Variants in LRRC7 observed in about 807,000 individuals in gnomAD.
LRRC7 encodes leucine rich repeat containing 7.
Under a neutral mutation model 175.7 loss-of-function variants are expected in LRRC7, and 23 were observed. That is an observed-to-expected ratio of 0.13 (90% confidence interval 0.09 to 0.19). The LOEUF (loss-of-function observed/expected upper bound fraction) is 0.19, where lower values mean the gene tolerates loss of function less well. LRRC7 is among the 10% of genes least tolerant of loss of function. The probability of loss-of-function intolerance (pLI) is 1.00; values close to 1 mark genes in which losing one functional copy is unlikely to be tolerated. For synonymous variants in LRRC7, 685 were observed against 680.9 expected, an observed-to-expected ratio of 1.01 and a Z score of -0.09; for missense variants, 1,354 against 1,904.7, an observed-to-expected ratio of 0.71 and a Z score of 5.38.
chr1:69,828,689 A>C (rs114063418), intron 5 of LRRC7, among the ~76,000 whole-genome samples: 1 of 152,018 alleles, frequency 6.6e-6, no homozygotes, highest in African/African-American at 2.4e-5. Context: ...TATGAGTTAC[A>C]CTTTTATCTT....
chr1:69,690,781 T>A (rs1661760780), intron 2 of LRRC7, among the ~76,000 whole-genome samples: 1 of 152,134 alleles, frequency 6.6e-6, no homozygotes, highest in Admixed American at 6.5e-5. Context: ...CTCAAATCCA[T>A]TTCCCCATCC....
intron 3 of LRRC7, among the ~76,000 whole-genome samples, chr1:69,781,733 AAGAGAGAGAGAGAG>A (rs755676231): frequency 4.2e-5 from 1 of 23,540 alleles, no homozygotes; most frequent in Non-Finnish European, 7.1e-5. Flanking sequence ...GAAAGAAAGA[AAGAGAGAGAGAGAG>A]AGAGAGAGAG....
At position 70,097,459 on chromosome 1, in the gene LRRC7, T is replaced by C. The variant is rs1039321767; in HGVS notation, c.4545+7640T>C. Among the ~76,000 whole-genome samples, 18 of 152,230 alleles carry C rather than the reference T, an allele frequency of 1.2e-4. 1 individual carries two copies. The highest frequency in any genetic ancestry group is 9.8e-4 in the Admixed American group (15 of 15,288). The stretch of plus-strand genomic sequence containing the variant: ...GAAAGTTTCACTGAATTTTTCTTTT[T>C]TTTACCATTTTTTTATTGTACTTTA... On this transcript the variant is annotated intron_variant, in intron 25 of 26. Coordinates refer to ENST00000651989, the MANE Select transcript of LRRC7 (RefSeq NM_001370785.2).
chr1:69,888,273 CTG>C (rs994900257), intron 7 of LRRC7, among the ~76,000 whole-genome samples: 1 of 152,212 alleles, frequency 6.6e-6, no homozygotes, highest in African/African-American at 2.4e-5. Flanking sequence ...CAGCGAGACT[CTG>C]TGGGCGTAGG....
intron 23 of LRRC7, among the ~76,000 whole-genome samples, chr1:70,060,886 C>G (rs561862540): frequency 6.6e-6 from 1 of 152,114 alleles, no homozygotes; most frequent in African/African-American, 2.4e-5. Context: ...TGTTTTTTGC[C>G]TTAGGCTTTG....
intron 1 of LRRC7, among the ~76,000 whole-genome samples, chr1:69,601,019 C>T (rs2104407): frequency 0.15 from 22,948 of 151,736 alleles, 1,914 homozygotes; most frequent in Admixed American, 0.19. Context: ...TTTCGCCATG[C>T]TGGCCAGGCT....
At chr1:69,720,536 C>T (rs1324319208) in intron 2 of LRRC7, among the ~76,000 whole-genome samples, 1 of 151,632 alleles carries the variant, frequency 6.6e-6, no homozygotes, top group East Asian at 1.9e-4. Flanking sequence ...ATTTCTTTTG[C>T]ATATCTGTGT....
At chr1:70,040,759 A>G (rs955262564) in intron 21 of LRRC7, among the ~76,000 whole-genome samples, 2 of 152,188 alleles carry the variant, frequency 1.3e-5, no homozygotes, top group Non-Finnish European at 2.9e-5. Flanking sequence ...GGTTGCAGTG[A>G]GCTGAGATCA....
chr1:69,882,360 A>C (rs913456012), intron 7 of LRRC7, among the ~76,000 whole-genome samples: 1 of 152,198 alleles, frequency 6.6e-6, no homozygotes, highest in South Asian at 2.1e-4. Flanking sequence ...CCTTCTGTAT[A>C]TATTATAACC....
intron 2 of LRRC7, among the ~76,000 whole-genome samples, chr1:69,737,157 T>C (rs551545292): frequency 1.8e-4 from 27 of 152,270 alleles, no homozygotes; most frequent in African/African-American, 6.0e-4. Flanking sequence ...AACTCTGTGA[T>C]ATGATTCAGC....
chr1:69,993,104 T>C (rs1654601842), intron 10 of LRRC7, among the ~76,000 whole-genome samples: 1 of 152,208 alleles, frequency 6.6e-6, no homozygotes, highest in Non-Finnish European at 1.5e-5. Flanking sequence ...TGCTCTTTTA[T>C]ATTTCCAAGG....
chr1:69,887,933 G>A (rs1570511751), intron 7 of LRRC7, among the ~76,000 whole-genome samples: 1 of 144,070 alleles, frequency 6.9e-6, no homozygotes, highest in South Asian at 2.3e-4. Context: ...GCTGCTCAGG[G>A]GTCAGGGGTC....
chr1:69,659,070 T>G (rs1019807158), intron 1 of LRRC7, among the ~76,000 whole-genome samples: 1 of 152,012 alleles, frequency 6.6e-6, no homozygotes, highest in Non-Finnish European at 1.5e-5. Context: ...GAATGCAGCT[T>G]CTGCTCACCC....
chr1:69,623,136 T>G (rs1469507573), intron 1 of LRRC7, among the ~76,000 whole-genome samples: 1 of 152,232 alleles, frequency 6.6e-6, no homozygotes, highest in African/African-American at 2.4e-5. Flanking sequence ...AACAAAGTTC[T>G]TCCCTGTATA....
intron 1 of LRRC7, among the ~76,000 whole-genome samples, chr1:69,619,593 C>G (rs1157709090): frequency 6.6e-6 from 1 of 152,108 alleles, no homozygotes; most frequent in Non-Finnish European, 1.5e-5. Flanking sequence ...GAACAGACAG[C>G]TCGGACTTGG....
At position 70,124,425 on chromosome 1, in the gene LRRC7, G is replaced by A. The variant is rs1010039150; in HGVS notation, c.*2538G>A. 2.6e-5 allele frequency among the ~76,000 whole-genome samples: 4 copies of A among 152,184 alleles called. No individual in the cohort carries two copies. Among genetic ancestry groups the A allele is most frequent in the Non-Finnish European group, 5.9e-5 (4 of 68,034 alleles). ...TAATCCCAGCTATTTGGGAGGCTGA[G>A]GCATGAGAATCAATCGCTTGACCTG... On this transcript the variant is annotated 3_prime_UTR_variant, in exon 27 of 27. Transcript: ENST00000651989.
At chr1:69,836,356 A>G (rs1681104200) in intron 6 of LRRC7, among the ~76,000 whole-genome samples, 1 of 152,066 alleles carries the variant, frequency 6.6e-6, no homozygotes, top group Non-Finnish European at 1.5e-5. Context: ...ATTCATCCAC[A>G]GAAACTAGCC....
chr1:70,116,546 CAAAAAAA>C (rs11336931), intron 26 of LRRC7, among the ~76,000 whole-genome samples: 2 of 104,914 alleles, frequency 1.9e-5, no homozygotes, highest in East Asian at 5.5e-4. Flanking sequence ...GACTCCATGT[CAAAAAAA>C]AAAAAAAAAA....
At chr1:69,969,466 C>T (rs951735289) in intron 8 of LRRC7, among the ~76,000 whole-genome samples, 2 of 151,930 alleles carry the variant, frequency 1.3e-5, no homozygotes, top group Admixed American at 6.6e-5. Context: ...ACACCAAATG[C>T]GAGCAGCAGT....
Sources: allele counts gnomAD v4.1 joint callset (sites outside exome capture counted in the v4.1 genomes callset), GRCh38; gene constraint gnomAD v4.1.1; transcripts MANE v1.5; gene names NCBI Gene and HGNC (gene_info 2026-07-23, HGNC 2026-07-21).